SMAD4: variants seen among roughly 807,000 people sequenced by gnomAD.
SMAD4 encodes SMAD family member 4.
Under a neutral mutation model 63.2 loss-of-function variants are expected in SMAD4, and 7 were observed. The observed-to-expected ratio is 0.11, with a 90% CI of 0.06 to 0.21. The LOEUF (loss-of-function observed/expected upper bound fraction) is 0.21, where lower values mean the gene tolerates loss of function less well. Ranked by LOEUF, SMAD4 falls within the 10% of genes least tolerant of loss-of-function variation. The pLI, the probability that SMAD4 is intolerant of heterozygous loss-of-function variation, is 1.00. For missense variants in SMAD4, 312 were observed against 693.8 expected, an observed-to-expected ratio of 0.45 and a Z score of 6.18; for synonymous variants, 215 against 235.4, an observed-to-expected ratio of 0.91 and a Z score of 0.79.
chr18:51,072,405 C>G (rs1036787587), intron 10 of SMAD4, among the ~76,000 whole-genome samples: 1 of 152,154 alleles, frequency 6.6e-6, no homozygotes, highest in African/African-American at 2.4e-5. Flanking sequence ...GCAGATGCTT[C>G]TAAACCACTG....
intron 5 of SMAD4, among the ~76,000 whole-genome samples, chr18:51,057,200 A>G (rs990534683): frequency 2.0e-5 from 3 of 152,182 alleles, no homozygotes; most frequent in Non-Finnish European, 4.4e-5. Flanking sequence ...CCATCTGATT[A>G]TACTCCCATT....
intron 8 of SMAD4, 124 bp downstream of exon 8, chr18:51,060,040 C>G: frequency 1.3e-6 from 1 of 747,570 alleles, no homozygotes; most frequent in Non-Finnish European, 2.4e-6. Context: ...CTCATCATGA[C>G]ATGAGTTAAT....
chr18:51,057,267 A>G (rs558136112), intron 5 of SMAD4, among the ~76,000 whole-genome samples: 38 of 152,180 alleles, frequency 2.5e-4, no homozygotes, highest in Non-Finnish European at 4.9e-4. Context: ...TGCTTTCCAA[A>G]TAGGATTAAC....
At chr18:51,064,833 A>G (rs1733591945) in intron 8 of SMAD4, among the ~76,000 whole-genome samples, 1 of 152,218 alleles carries the variant, frequency 6.6e-6, no homozygotes, top group African/African-American at 2.4e-5. Context: ...TGTGTGTACA[A>G]CAACTGTGTG....
intron 9 of SMAD4, among the ~76,000 whole-genome samples, chr18:51,066,117 G>A (rs1351122957): frequency 2.6e-5 from 4 of 151,914 alleles, no homozygotes; most frequent in African/African-American, 4.8e-5. Context: ...TTTGGGAGGC[G>A]GAGTCAGGCA....
chr18:51,078,119 C>T, intron 11 of SMAD4, 137 bp from the exon 12 acceptor site: 1 of 762,774 alleles, frequency 1.3e-6, no homozygotes, highest in Non-Finnish European at 2.3e-6. Flanking sequence ...ACTGTTACTT[C>T]TTGGCACTTT....
intron 1 of SMAD4, among the ~76,000 whole-genome samples, chr18:51,038,964 G>A (rs567090679): frequency 6.6e-6 from 1 of 152,180 alleles, no homozygotes; most frequent in East Asian, 1.9e-4. Flanking sequence ...AAAATTAGCT[G>A]GGCATGGTGG....
chr18:51,061,552 T>C (rs1910014927), intron 8 of SMAD4, among the ~76,000 whole-genome samples: 1 of 152,206 alleles, frequency 6.6e-6, no homozygotes, highest in African/African-American at 2.4e-5. Context: ...TATGGCTGAA[T>C]AGTACTCCAC....
intron 10 of SMAD4, among the ~76,000 whole-genome samples, chr18:51,073,386 TATACACACACACACACACACAC>T (rs1355736960): frequency 1.2e-5 from 1 of 82,076 alleles, no homozygotes; most frequent in Non-Finnish European, 2.3e-5. Flanking sequence ...TATATATATA[TATACACACACACACACACACAC>T]ACACACACAC....
At chr18:51,054,475 A>G in intron 4 of SMAD4, 1 of 361,710 alleles carries the variant, frequency 2.8e-6, no homozygotes, top group Non-Finnish European at 5.2e-6. Context: ...TTATTCTTCT[A>G]GGTTTATCAA....
rs186020951 is a variant in SMAD4 at position 51,070,307 on chromosome 18, G to A, written c.1308+3120G>A. On this transcript the variant is annotated intron_variant, in intron 10 of 11. Coordinates refer to ENST00000342988, the MANE Select transcript of SMAD4 (RefSeq NM_005359.6). Reference sequence around the variant, plus strand: ...TGTGACTTATTTATATTTTGGTACAGATGGCCTTTGAAAAGCCCCCAAGGT... The same window carrying A: ...TGTGACTTATTTATATTTTGGTACAAATGGCCTTTGAAAAGCCCCCAAGGT... 2.1e-3 allele frequency among the ~76,000 whole-genome samples: 320 copies of A among 152,278 alleles called. 2 individuals carry two copies. Among genetic ancestry groups the A allele is most frequent in the African/African-American group, 4.7e-3 (196 of 41,552 alleles).
At chr18:51,048,285 G>A (rs1050117020) in intron 2 of SMAD4, among the ~76,000 whole-genome samples, 1 of 152,156 alleles carries the variant, frequency 6.6e-6, no homozygotes, top group Non-Finnish European at 1.5e-5. Context: ...AGCCTCCTGA[G>A]TAGCTAGGAC....
chr18:51,066,813 T>A (rs748155779), intron 9 of SMAD4: 2 of 542,106 alleles, frequency 3.7e-6, no homozygotes, highest in African/African-American at 1.9e-5. Flanking sequence ...TCCTGACACA[T>A]AGTAAGTGTT....
At chr18:51,058,485 ATTT>A (rs386387676) in intron 7 of SMAD4, 29 bp downstream of exon 7, 423 of 1,092,878 alleles carry the variant, frequency 3.9e-4, no homozygotes, top group Non-Finnish European at 4.6e-4. Flanking sequence ...TGTAAGGGCT[ATTT>A]TTTTTTTTTT....
At chr18:51,037,586 T>A (rs1909242362) in intron 1 of SMAD4, among the ~76,000 whole-genome samples, 1 of 152,196 alleles carries the variant, frequency 6.6e-6, no homozygotes, top group South Asian at 2.1e-4. Flanking sequence ...TTTAAAAAAA[T>A]CTCTACCTTG....
At chr18:51,050,105 C>A (rs556999727) in intron 4 of SMAD4, among the ~76,000 whole-genome samples, 1 of 152,154 alleles carries the variant, frequency 6.6e-6, no homozygotes, top group Non-Finnish European at 1.5e-5. Flanking sequence ...CACCTGTAAT[C>A]CCAGTACTTT....
intron 1 of SMAD4, among the ~76,000 whole-genome samples, chr18:51,037,877 G>C (rs917460835): frequency 6.6e-6 from 1 of 152,168 alleles, no homozygotes; most frequent in Non-Finnish European, 1.5e-5. Context: ...GCTAAAATCT[G>C]ATGTTTCAAG....
At chr18:51,046,284 A>G (rs1396498316) in intron 1 of SMAD4, among the ~76,000 whole-genome samples, 6 of 152,076 alleles carry the variant, frequency 3.9e-5, no homozygotes, top group Non-Finnish European at 8.8e-5. Flanking sequence ...TGTCTTTTTG[A>G]TATATCCATC....
At chr18:51,034,460 A>C (rs1364779253) in intron 1 of SMAD4, among the ~76,000 whole-genome samples, 1 of 152,100 alleles carries the variant, frequency 6.6e-6, no homozygotes, top group African/African-American at 2.4e-5. Context: ...ATTTTGGGCA[A>C]GGCTAGTCTT....
Sources: gnomAD v4.1 joint callset for allele counts (sites outside exome capture counted in the v4.1 genomes callset) on GRCh38, gnomAD v4.1.1 for gene constraint, MANE v1.5 for transcripts, NCBI Gene and HGNC (gene_info 2026-07-23, HGNC 2026-07-21) for gene names.